The following AGBL4 variants were observed in gnomAD, a reference collection of about 807,000 sequenced individuals.
AGBL4 encodes AGBL carboxypeptidase 4.
A neutral mutation model predicts 66.4 loss-of-function variants in AGBL4; 58 were observed. The ratio of observed to expected loss-of-function variants is 0.87; its 90% CI spans 0.71 to 1.09. The LOEUF (loss-of-function observed/expected upper bound fraction) is 1.09. Ranked by LOEUF, AGBL4 falls within the 50% of genes least tolerant of loss-of-function variation. The pLI is 0.00. For synonymous variants in AGBL4, 234 were observed against 222.9 expected (o/e 1.05, Z -0.44); for missense variants, 579 against 631.0 (o/e 0.92, Z 0.88).
intron 3 of AGBL4, among the ~76,000 whole-genome samples, chr1:49,683,966 T>C (rs969297271): frequency 3.3e-5 from 5 of 152,142 alleles, no homozygotes; most frequent in Admixed American, 1.3e-4. Context: ...CAGCATTTAG[T>C]TTATCATCCT....
chr1:48,991,475 C>A (rs188656579), intron 5 of AGBL4, among the ~76,000 whole-genome samples: 9 of 152,234 alleles, frequency 5.9e-5, no homozygotes, highest in Admixed American at 5.9e-4. Flanking sequence ...GTTAAATATG[C>A]TAGGTGTTTT....
intron 5 of AGBL4, among the ~76,000 whole-genome samples, chr1:48,971,673 T>C (rs991159026): frequency 8.5e-5 from 13 of 152,236 alleles, no homozygotes; most frequent in African/African-American, 2.6e-4. Flanking sequence ...AGAGAGTGAA[T>C]AGACAGAAGA....
intron 6 of AGBL4, among the ~76,000 whole-genome samples, chr1:48,794,015 T>A (rs1212162862): frequency 6.6e-6 from 1 of 152,190 alleles, no homozygotes; most frequent in African/African-American, 2.4e-5. Context: ...TCCAGCCACA[T>A]AGGCACTTCA....
At chr1:49,022,416 G>A (rs1663316722) in intron 5 of AGBL4, among the ~76,000 whole-genome samples, 1 of 151,950 alleles carries the variant, frequency 6.6e-6, no homozygotes, top group African/African-American at 2.4e-5. Context: ...CCTTTTAAAA[G>A]AGATATAAAT....
At chr1:49,565,052 C>T (rs1259307614) in intron 3 of AGBL4, among the ~76,000 whole-genome samples, 3 of 152,144 alleles carry the variant, frequency 2.0e-5, no homozygotes, top group Non-Finnish European at 4.4e-5. Context: ...ATCCCTTTAC[C>T]ATTATGTAAT....
intron 3 of AGBL4, among the ~76,000 whole-genome samples, chr1:49,610,490 G>A (rs994131963): frequency 6.6e-6 from 1 of 152,168 alleles, no homozygotes; most frequent in Non-Finnish European, 1.5e-5. Flanking sequence ...GCTATAATCT[G>A]AATATTTGTG....
chr1:49,627,523 G>A (rs146796637), intron 3 of AGBL4, among the ~76,000 whole-genome samples: 60 of 152,118 alleles, frequency 3.9e-4, no homozygotes, highest in African/African-American at 1.4e-3. Context: ...ATTGGTCACC[G>A]CCTGGGAATC....
At chr1:49,994,875 C>T (rs1273804422) in intron 1 of AGBL4, 4 of 342,626 alleles carry the variant, frequency 1.2e-5, no homozygotes, top group African/African-American at 2.2e-5. Flanking sequence ...CACTGGGGTA[C>T]CTGAAGGTCC....
intron 4 of AGBL4, among the ~76,000 whole-genome samples, chr1:49,080,993 T>C (rs1262363907): frequency 6.6e-6 from 1 of 152,220 alleles, no homozygotes; most frequent in Admixed American, 6.5e-5. Flanking sequence ...GAAATTTTAA[T>C]ACAGTCATTA....
At chr1:49,096,517 T>C (rs1198899299) in intron 4 of AGBL4, among the ~76,000 whole-genome samples, 1 of 151,488 alleles carries the variant, frequency 6.6e-6, no homozygotes, top group African/African-American at 2.4e-5. Flanking sequence ...CCATAAAAAA[T>C]GATGAGTTCA....
intron 6 of AGBL4, among the ~76,000 whole-genome samples, chr1:48,666,951 T>C (rs960946826): frequency 6.6e-6 from 1 of 152,204 alleles, no homozygotes; most frequent in Non-Finnish European, 1.5e-5. Context: ...GATTAGAAAA[T>C]TGAGATCCAG....
chr1:49,461,054 A>G (rs530880016), intron 3 of AGBL4, among the ~76,000 whole-genome samples: 12 of 151,812 alleles, frequency 7.9e-5, no homozygotes, highest in Admixed American at 3.9e-4. Flanking sequence ...TTGACTTTAG[A>G]TAGCCTGATG....
At chr1:49,596,709 C>G (rs1356121040) in intron 3 of AGBL4, among the ~76,000 whole-genome samples, 1 of 152,172 alleles carries the variant, frequency 6.6e-6, no homozygotes, top group East Asian at 1.9e-4. Context: ...GTTTGCTACA[C>G]TGTTCATACT....
At chr1:48,753,993 G>T (rs920407986) in intron 6 of AGBL4, among the ~76,000 whole-genome samples, 2 of 152,170 alleles carry the variant, frequency 1.3e-5, no homozygotes, top group African/African-American at 4.8e-5. Flanking sequence ...TGTTCCCTGT[G>T]AGACTTGTGT....
At chr1:49,655,502 C>A (rs1646106583) in intron 3 of AGBL4, among the ~76,000 whole-genome samples, 1 of 151,996 alleles carries the variant, frequency 6.6e-6, no homozygotes, top group Non-Finnish European at 1.5e-5. Context: ...TCTTTGAAAC[C>A]AATGAGAACA....
At chr1:48,631,557 AT>A (rs545335035) in intron 9 of AGBL4, among the ~76,000 whole-genome samples, 3 of 151,642 alleles carry the variant, frequency 2.0e-5, no homozygotes, top group African/African-American at 7.3e-5. Flanking sequence ...CACCTGGCTA[AT>A]TTTTTTTGTA....
In AGBL4 at chr1:49,844,991, G is replaced by C. The variant is rs561037631; in HGVS notation, c.157+6405C>G. The C allele has an allele frequency of 6.2e-5, 87 of 1,393,860 alleles. No individual in the cohort carries two copies. The South Asian group carries it at 1.0e-3, about 16-fold the overall frequency. The allele number at this position is 1,393,860 out of a possible 1,614,324, so 86.3% of individuals were successfully genotyped here. ...CAACCAATGACTCCTGAACAACAAG[G>C]CCCCCACACGTGGGGAACACGTGGA... On this transcript the variant is annotated intron_variant, in intron 2 of 13. Coordinates refer to ENST00000371839, the MANE Select transcript of AGBL4 (RefSeq NM_032785.4).
intron 1 of AGBL4, among the ~76,000 whole-genome samples, chr1:49,881,181 T>C (rs1647261630): frequency 6.6e-6 from 1 of 152,148 alleles, no homozygotes; most frequent in South Asian, 2.1e-4. Context: ...TCTTGATGAT[T>C]TCCAATTTCA....
chr1:49,978,456 C>T (rs1557635291), intron 1 of AGBL4, among the ~76,000 whole-genome samples: 1 of 151,724 alleles, frequency 6.6e-6, no homozygotes, highest in African/African-American at 2.4e-5. Flanking sequence ...AAATAAACAA[C>T]AAAAAAAATT....
Sources: allele counts gnomAD v4.1 joint callset (sites outside exome capture counted in the v4.1 genomes callset), GRCh38; gene constraint gnomAD v4.1.1; transcripts MANE v1.5; gene names NCBI Gene and HGNC (gene_info 2026-07-23, HGNC 2026-07-21).